BCO1: variants seen among roughly 807,000 people sequenced by gnomAD.
BCO1 encodes beta,beta-carotene 15,15'-dioxygenase.
Under a neutral mutation model 56.3 loss-of-function variants are expected in BCO1, and 54 were observed. That is an observed-to-expected ratio of 0.96 (90% CI 0.77 to 1.20). BCO1 has a LOEUF of 1.20. Among genes scored for constraint, BCO1 ranks in the 50% most tolerant of loss-of-function variants. The pLI is 0.00. For missense variants in BCO1, 801 were observed against 690.9 expected (o/e 1.16, Z -1.79); for synonymous variants, 318 against 266.1 (o/e 1.20, Z -1.90).
intron 2 of BCO1, among the ~76,000 whole-genome samples, chr16:81,253,091 G>A (rs146365018): frequency 3.7e-4 from 57 of 152,082 alleles, no homozygotes; most frequent in African/African-American, 1.3e-3. Flanking sequence ...CCTGGGTGAC[G>A]GAGCAAGATG....
chr16:81,248,229 C>T (rs956675594), intron 2 of BCO1, among the ~76,000 whole-genome samples: 2 of 151,672 alleles, frequency 1.3e-5, no homozygotes, highest in Non-Finnish European at 2.9e-5. Flanking sequence ...TGGTGAAACC[C>T]CGTCTCTACT....
chr16:81,285,535 T>G lies in BCO1; in HGVS notation c.1208-5T>G. 2 of 1,606,784 alleles carry G rather than the reference T, an allele frequency of 1.2e-6. No homozygotes were observed. The highest frequency in any genetic ancestry group is 1.7e-6 in the Non-Finnish European group (2 of 1,173,342). On this transcript the variant is annotated splice_polypyrimidine_tract_variant and splice_region_variant and intron_variant, in intron 8 of 10. Transcript: ENST00000258168. ...GGCTTCATCCACCTCCTCATTTCCT[T>G]GTAGGCTTAGAGCTTCCACGGGTCA...
chr16:81,276,695 G>A (rs1481257137), intron 7 of BCO1, among the ~76,000 whole-genome samples: 5 of 152,200 alleles, frequency 3.3e-5, no homozygotes, highest in African/African-American at 4.8e-5. Context: ...TACTAACTAC[G>A]AGTTGTTATT....
At chr16:81,289,501 C>T (rs1013002515) in intron 10 of BCO1, among the ~76,000 whole-genome samples, 1 of 152,060 alleles carries the variant, frequency 6.6e-6, no homozygotes, top group Non-Finnish European at 1.5e-5. Context: ...ATTAGCCAGA[C>T]GTGGTGTCAT....
Position 81,238,761 on chromosome 16 carries a change from A to G in BCO1, c.-148A>G. The stretch of plus-strand genomic sequence containing the variant: ...CAGCCAAAAAGGAAAAAGCAAAGGC[A>G]GAAACGGCATCAGGAGAGACAGAGA... On this transcript the variant is annotated 5_prime_UTR_variant, in exon 1 of 11. Transcript: ENST00000258168. 1 of 754,402 alleles carries G rather than the reference A, an allele frequency of 1.3e-6. No individual in the cohort carries two copies. Among genetic ancestry groups the G allele is most frequent in the Admixed American group, 2.0e-5 (1 of 49,572 alleles). 46.7% of individuals were successfully genotyped at this position (754,402 alleles called of 1,614,324 possible).
chr16:81,251,107 C>T (rs567002888), intron 2 of BCO1, among the ~76,000 whole-genome samples: 9 of 152,138 alleles, frequency 5.9e-5, no homozygotes, highest in Non-Finnish European at 1.2e-4. Flanking sequence ...GCCTTCTGTA[C>T]CTTTTTAAAG....
At chr16:81,276,856 C>T (rs895221898) in intron 7 of BCO1, among the ~76,000 whole-genome samples, 1 of 151,954 alleles carries the variant, frequency 6.6e-6, no homozygotes, top group Non-Finnish European at 1.5e-5. Flanking sequence ...CACTTGAGGT[C>T]AGGAGTTCAA....
rs754613556 is a variant in BCO1 at position 81,262,346 on chromosome 16, C to T, written c.471+63C>T. 11 of 1,562,128 alleles carry T rather than the reference C, an allele frequency of 7.0e-6. No individual in the cohort carries two copies. The South Asian group carries it at 8.9e-5, about 13-fold the overall frequency. On this transcript the variant is annotated intron_variant, in intron 4 of 10. Transcript: ENST00000258168. ...CAAGAAAGGGAGAGTCGGCGACGGC[C>T]GGGGTGAGGTTGCTCAGCCTGCAAG...
chr16:81,261,288 T>C (rs6564863), intron 3 of BCO1, among the ~76,000 whole-genome samples: 96,354 of 152,048 alleles, frequency 0.63, 30,901 homozygotes, highest in South Asian at 0.71. Context: ...GCCAATTTCA[T>C]CACCCATAAA....
chr16:81,286,786 G>C (rs1283171238), intron 9 of BCO1, among the ~76,000 whole-genome samples: 1 of 151,992 alleles, frequency 6.6e-6, no homozygotes, highest in African/African-American at 2.4e-5. Flanking sequence ...GTTTAAAACT[G>C]GGGGAGGAGG....
intron 3 of BCO1, among the ~76,000 whole-genome samples, chr16:81,260,721 C>T (rs945794446): frequency 6.6e-6 from 1 of 152,174 alleles, no homozygotes; most frequent in African/African-American, 2.4e-5. Context: ...GTTGATCAGG[C>T]TGGTCTTGAA....
intron 5 of BCO1, 53 bp from the exon 6 acceptor site, chr16:81,267,855 G>A (rs34500060): frequency 3.3e-6 from 5 of 1,527,116 alleles, no homozygotes; most frequent in African/African-American, 1.4e-5. Context: ...TGTGGTCTTG[G>A]GGGGGCAGCC....
At chr16:81,260,905 G>C (rs1298122851) in intron 3 of BCO1, among the ~76,000 whole-genome samples, 1 of 152,184 alleles carries the variant, frequency 6.6e-6, no homozygotes, top group Non-Finnish European at 1.5e-5. Flanking sequence ...CCTGCCATCA[G>C]TATCTTCTTT....
chr16:81,250,165 T>C (rs1905701370), intron 2 of BCO1, among the ~76,000 whole-genome samples: 1 of 152,100 alleles, frequency 6.6e-6, no homozygotes, highest in African/African-American at 2.4e-5. Flanking sequence ...AGATAAGGAA[T>C]GAAGTCCCAG....
intron 7 of BCO1, among the ~76,000 whole-genome samples, chr16:81,275,391 G>A (rs1161719901): frequency 2.0e-5 from 3 of 152,262 alleles, no homozygotes; most frequent in Non-Finnish European, 4.4e-5. Flanking sequence ...AACCCCCAGT[G>A]ATTCTGCAGT....
intron 2 of BCO1, among the ~76,000 whole-genome samples, chr16:81,257,738 G>C (rs1455109564): frequency 2.0e-5 from 3 of 151,830 alleles, no homozygotes; most frequent in Non-Finnish European, 4.4e-5. Flanking sequence ...AATTAGCTGG[G>C]CATGGTGGCA....
chr16:81,271,337 A>T (rs964437569), intron 7 of BCO1, among the ~76,000 whole-genome samples: 1 of 148,948 alleles, frequency 6.7e-6, no homozygotes, highest in African/African-American at 2.5e-5. Flanking sequence ...CTGTTCTCGA[A>T]CTCCTGACCT....
chr16:81,268,874 G>A (rs1907000848), intron 6 of BCO1, among the ~76,000 whole-genome samples: 1 of 151,158 alleles, frequency 6.6e-6, no homozygotes, highest in South Asian at 2.1e-4. Context: ...AACCTCCCAG[G>A]CTCAAGTGAT....
intron 1 of BCO1, among the ~76,000 whole-genome samples, chr16:81,242,798 C>G (rs1221802226): frequency 6.6e-6 from 1 of 152,170 alleles, no homozygotes; most frequent in African/African-American, 2.4e-5. Context: ...CCGGGCCGCA[C>G]AGCATTACGG....
Sources: allele counts gnomAD v4.1 joint callset (sites outside exome capture counted in the v4.1 genomes callset), GRCh38; gene constraint gnomAD v4.1.1; transcripts MANE v1.5; gene names NCBI Gene and HGNC (gene_info 2026-07-23, HGNC 2026-07-21).